Variants in CNBD1 observed in about 807,000 individuals in gnomAD.
CNBD1 encodes cyclic nucleotide binding domain containing 1.
CNBD1 carries 71 observed loss-of-function variants against 54.4 expected under a neutral mutation model. The observed-to-expected ratio is 1.30, with a 90% CI of 1.08 to 1.59. The LOEUF (loss-of-function observed/expected upper bound fraction) is 1.59. Among genes scored for constraint, CNBD1 ranks in the 40% most tolerant of loss-of-function variants. The pLI is 0.00. For synonymous variants in CNBD1, 182 were observed against 170.7 expected, an observed-to-expected ratio of 1.07 and a Z score of -0.51; for missense variants, 659 against 518.0, an observed-to-expected ratio of 1.27 and a Z score of -2.64.
chr8:86,935,116 A>C (rs1282606696), intron 3 of CNBD1, among the ~76,000 whole-genome samples: 2 of 151,964 alleles, frequency 1.3e-5, no homozygotes, highest in Admixed American at 1.3e-4. Context: ...GCTCACTGCA[A>C]GCTCCACCTC....
intron 10 of CNBD1, among the ~76,000 whole-genome samples, chr8:87,373,576 G>C (rs760904832): frequency 6.6e-6 from 1 of 151,782 alleles, no homozygotes; most frequent in South Asian, 2.1e-4. Context: ...GGTATGTAAA[G>C]TTGTAGGTTG....
At chr8:87,321,118 G>A (rs1296178945) in intron 8 of CNBD1, among the ~76,000 whole-genome samples, 2 of 144,682 alleles carry the variant, frequency 1.4e-5, no homozygotes, top group Non-Finnish European at 3.1e-5. Flanking sequence ...CCACCACCTG[G>A]CCATTGTGAA....
chr8:87,082,684 A>G (rs1353145353), intron 4 of CNBD1, among the ~76,000 whole-genome samples: 1 of 151,992 alleles, frequency 6.6e-6, no homozygotes, highest in Non-Finnish European at 1.5e-5. Flanking sequence ...TTTTAATTCA[A>G]TCAGATAATC....
chr8:86,870,206 T>TTTTTTTTTTTTTTG (rs1808423447), intron 1 of CNBD1, among the ~76,000 whole-genome samples: 1 of 148,368 alleles, frequency 6.7e-6, no homozygotes. Context: ...TTTTTTTTTC[T>TTTTTTTTTTTTTTG]GAGACGGAAT....
chr8:87,161,347 C>G (rs891580512), intron 4 of CNBD1, among the ~76,000 whole-genome samples: 4 of 152,150 alleles, frequency 2.6e-5, no homozygotes, highest in Admixed American at 6.6e-5. Flanking sequence ...ATGCAACCAG[C>G]TGGAAGGGAA....
intron 4 of CNBD1, among the ~76,000 whole-genome samples, chr8:87,193,869 A>G (rs931071308): frequency 6.6e-6 from 1 of 152,204 alleles, no homozygotes; most frequent in Admixed American, 6.5e-5. Context: ...ATTTAGAATA[A>G]GAGTTTAACG....
chr8:87,352,574 A>T (rs1000433094), intron 9 of CNBD1, among the ~76,000 whole-genome samples: 1 of 152,148 alleles, frequency 6.6e-6, no homozygotes, highest in Non-Finnish European at 1.5e-5. Flanking sequence ...GAAATGTTAC[A>T]GTATATTTAT....
At chr8:87,102,098 A>G (rs1195955712) in intron 4 of CNBD1, among the ~76,000 whole-genome samples, 1 of 152,098 alleles carries the variant, frequency 6.6e-6, no homozygotes, top group Non-Finnish European at 1.5e-5. Flanking sequence ...TATGTTAACC[A>G]GGATGGTCTC....
intron 2 of CNBD1, among the ~76,000 whole-genome samples, chr8:87,397,337 T>A (rs1183392063): frequency 6.6e-6 from 1 of 151,960 alleles, no homozygotes; most frequent in Non-Finnish European, 1.5e-5. Flanking sequence ...GTGTGCTTCA[T>A]CCATCATCTT....
At chr8:87,021,093 G>A (rs1809479110) in intron 4 of CNBD1, among the ~76,000 whole-genome samples, 1 of 152,186 alleles carries the variant, frequency 6.6e-6, no homozygotes, top group Non-Finnish European at 1.5e-5. Context: ...TTTCTTAAAT[G>A]TATTTGATTA....
chr8:87,306,360 G>T (rs903768167), intron 8 of CNBD1, among the ~76,000 whole-genome samples: 2 of 152,140 alleles, frequency 1.3e-5, no homozygotes, highest in Admixed American at 6.6e-5. Context: ...AGAACTAAAT[G>T]TAGAACTACC....
chr8:87,015,308 G>A lies in CNBD1; in HGVS notation c.431+75554G>A, dbSNP rs552204656. 1.2e-4 allele frequency among the ~76,000 whole-genome samples: 19 copies of A among 152,056 alleles called. No individual in the cohort carries two copies. The East Asian group carries it at 2.9e-3, about 23-fold the overall frequency. ...TGCCATTCTCTTGCATCAGCCTCCC[G>A]AGTAGCTGGTACTACAGGCACCTGC... On this transcript the variant is annotated intron_variant, in intron 4 of 10. Transcript: ENST00000518476.
At chr8:87,358,784 G>C (rs370977644) in intron 10 of CNBD1, among the ~76,000 whole-genome samples, 4 of 152,144 alleles carry the variant, frequency 2.6e-5, no homozygotes, top group Non-Finnish European at 5.9e-5. Context: ...GAAAACTGGA[G>C]AGGGCAGACA....
intron 6 of CNBD1, among the ~76,000 whole-genome samples, chr8:87,271,218 C>T (rs906621176): frequency 6.6e-6 from 1 of 151,566 alleles, no homozygotes; most frequent in Admixed American, 6.6e-5. Flanking sequence ...CAAAAAACCA[C>T]CATTTCACTT....
At chr8:87,397,000 G>A (rs909108713) in intron 2 of CNBD1, among the ~76,000 whole-genome samples, 5 of 148,762 alleles carry the variant, frequency 3.4e-5, no homozygotes, top group African/African-American at 9.9e-5. Flanking sequence ...TCCCAAACAT[G>A]TATTTTAAAA....
intron 3 of CNBD1, among the ~76,000 whole-genome samples, chr8:86,931,543 C>T (rs1040903787): frequency 1.3e-5 from 2 of 152,134 alleles, no homozygotes; most frequent in African/African-American, 2.4e-5. Context: ...TGGCCTACTC[C>T]GTTTTCTGTC....
At position 87,205,528 on chromosome 8, in the gene CNBD1, C is replaced by T. The variant is rs548477858; in HGVS notation, c.432-465C>T. The stretch of plus-strand genomic sequence containing the variant: ...AGTACATACGTATCTTTTCACTTAA[C>T]GATTTATACCCTTAAGTGTTAAAGT... On this transcript the variant is annotated intron_variant, in intron 4 of 10. Coordinates refer to ENST00000518476, the MANE Select transcript of CNBD1 (RefSeq NM_173538.3). 2.3e-4 allele frequency among the ~76,000 whole-genome samples: 35 copies of T among 152,130 alleles called. No individual in the cohort carries two copies. The South Asian group carries it at 5.8e-3, about 25-fold the overall frequency.
chr8:87,054,492 C>G (rs137942751), intron 4 of CNBD1, among the ~76,000 whole-genome samples: 1 of 152,192 alleles, frequency 6.6e-6, no homozygotes, highest in Non-Finnish European at 1.5e-5. Context: ...ATCACAGAGA[C>G]AGCAATTCCT....
At chr8:86,909,006 T>G (rs1809061178) in intron 3 of CNBD1, among the ~76,000 whole-genome samples, 1 of 152,158 alleles carries the variant, frequency 6.6e-6, no homozygotes, top group Non-Finnish European at 1.5e-5. Flanking sequence ...TCTGCCCGCC[T>G]TGGCCTCTCA....
Sources: gnomAD v4.1 joint callset for allele counts (sites outside exome capture counted in the v4.1 genomes callset) on GRCh38, gnomAD v4.1.1 for gene constraint, MANE v1.5 for transcripts, NCBI Gene and HGNC (gene_info 2026-07-23, HGNC 2026-07-21) for gene names.